PCDHAC2: variants seen among roughly 807,000 people sequenced by gnomAD.
PCDHAC2 encodes the protein protocadherin alpha-C2.
PCDHAC2 carries 24 observed loss-of-function variants against 63.3 expected under a neutral mutation model. The ratio of observed to expected loss-of-function variants is 0.38; its 90% confidence interval spans 0.27 to 0.53. The LOEUF (loss-of-function observed/expected upper bound fraction) is 0.53, where lower values mean the gene tolerates loss of function less well. Ranked by LOEUF, PCDHAC2 falls within the 20% of genes least tolerant of loss-of-function variation. The pLI is 0.81. For synonymous variants in PCDHAC2, 569 were observed against 529.4 expected, an observed-to-expected ratio of 1.07 and a Z score of -1.03; for missense variants, 1,181 against 1,275.2, an observed-to-expected ratio of 0.93 and a Z score of 1.12.
At chr5:141,005,687 G>A (rs1454342103) in intron 3 of PCDHAC2, among the ~76,000 whole-genome samples, 3 of 116,164 alleles carry the variant, frequency 2.6e-5, no homozygotes, top group African/African-American at 7.0e-5. Context: ...GGGCGACAGA[G>A]CGAAACTCCG....
At chr5:140,984,576 C>G (rs1309554018) in intron 3 of PCDHAC2, among the ~76,000 whole-genome samples, 1 of 152,104 alleles carries the variant, frequency 6.6e-6, no homozygotes, top group African/African-American at 2.4e-5. Context: ...CCATGGCAAC[C>G]TAATCATACT....
In PCDHAC2 at chr5:140,969,146, AAGGCCTGTCTGACAGC is replaced by A; in HGVS notation, c.2385_2400del (p.Cys796GlnfsTer26). 1 of 1,614,170 alleles carries A rather than the reference AAGGCCTGTCTGACAGC, an allele frequency of 6.2e-7. No homozygotes were observed. Among genetic ancestry groups the A allele is most frequent in the Non-Finnish European group, 8.5e-7 (1 of 1,180,020 alleles). ...CTCCCTCACCAAGACCTACTGCTACAAGGCCTGTCTGACAGCAGGCTCAGGGAGTGACACTTTCATG... is the reference window on the plus strand; with the variant it reads ...CTCCCTCACCAAGACCTACTGCTACAAGGCTCAGGGAGTGACACTTTCATG... On this transcript the variant is annotated frameshift_variant, in exon 1 of 4. Coordinates refer to ENST00000289269, the MANE Select transcript of PCDHAC2 (RefSeq NM_018899.6). LOFTEE classifies it high-confidence loss of function.
At chr5:140,995,390 C>A (rs1198231096) in intron 3 of PCDHAC2, among the ~76,000 whole-genome samples, 1 of 152,088 alleles carries the variant, frequency 6.6e-6, no homozygotes, top group Non-Finnish European at 1.5e-5. Flanking sequence ...CAGGATAAAG[C>A]GGGATGGCTC....
intron 3 of PCDHAC2, among the ~76,000 whole-genome samples, chr5:141,007,067 G>A (rs1352139121): frequency 1.3e-5 from 2 of 152,164 alleles, no homozygotes; most frequent in African/African-American, 4.8e-5. Flanking sequence ...AAAGGAGAGA[G>A]TGAAGAGAAA....
chr5:140,982,475 C>T lies in PCDHAC2; in HGVS notation c.2625C>T (p.Ser875=). The change falls in exon 3 of 4, where the codon AGC becomes AGT. Residue 875 remains serine, a splice_region_variant and synonymous_variant. Coordinates refer to ENST00000289269, the MANE Select transcript of PCDHAC2 (RefSeq NM_018899.6). ...TATCTGGGTCTGTGTGTTTATTCAG[C>T]TCTGTGCACCTAGAGGAGGCTGGCA... The part of the protein sequence containing the change: ...YSASLRAGMH[S]SVHLEEAGIL... 1 of 1,614,154 alleles carries T rather than the reference C, an allele frequency of 6.2e-7. No homozygotes were observed. Among genetic ancestry groups the T allele is most frequent in the African/African-American group, 1.3e-5 (1 of 75,040 alleles).
intron 1 of PCDHAC2, among the ~76,000 whole-genome samples, chr5:140,978,421 T>C (rs969808613): frequency 2.0e-5 from 3 of 152,236 alleles, no homozygotes; most frequent in Non-Finnish European, 4.4e-5. Flanking sequence ...AAAGAGACTG[T>C]TATCAGTTGC....
intron 3 of PCDHAC2, among the ~76,000 whole-genome samples, chr5:140,990,272 C>A (rs568200508): frequency 6.6e-6 from 1 of 152,196 alleles, no homozygotes; most frequent in African/African-American, 2.4e-5. Flanking sequence ...CAATGTACCC[C>A]GGGTCTTGAG....
chr5:141,009,880 C>T lies in PCDHAC2; in HGVS notation c.2967C>T (p.Asn989=). ...AAAAGAAGAAAAAGAAGAAGGGTAACAAGACCCAGGAGAAAAAAGAGAAAG... is the reference window on the plus strand; with the variant it reads ...AAAAGAAGAAAAAGAAGAAGGGTAATAAGACCCAGGAGAAAAAAGAGAAAG... The part of the protein sequence containing the change: ...TKKKKKKKKG[N]KTQEKKEKGN... Residue 989 remains asparagine, a synonymous_variant, in exon 4 of 4, where the codon AAC becomes AAT. Transcript: ENST00000289269. 1 of 1,613,788 alleles carries T rather than the reference C, an allele frequency of 6.2e-7. No individual in the cohort carries two copies. The highest frequency in any genetic ancestry group is 8.5e-7 in the Non-Finnish European group (1 of 1,179,974).
At chr5:140,985,062 T>C (rs2097134097) in intron 3 of PCDHAC2, among the ~76,000 whole-genome samples, 1 of 152,058 alleles carries the variant, frequency 6.6e-6, no homozygotes, top group African/African-American at 2.4e-5. Flanking sequence ...CTCAGCCTCC[T>C]GAGTAGCTGA....
In PCDHAC2 at chr5:140,968,640, C is replaced by T. The variant is rs2096260908; in HGVS notation, c.1874C>T (p.Ala625Val). The change falls in exon 1 of 4, where the codon GCC becomes GTC. Residue 625 changes from alanine to valine, a missense_variant. Physicochemically the swap from Ala to Val is moderately conservative, Grantham distance 64. This residue lies in a region of PCDHAC2 where 968 missense variants were observed against 1,073.5 expected (regional missense o/e 0.90). Transcript: ENST00000289269. ...AATGCTTGGCTTTTTTACCATCTAG[C>T]CCAGACTTCTGACCTGGACCTCTTT... ...GQNAWLFYHL[A>V]QTSDLDLFKV... 1 of 1,614,038 alleles carries T rather than the reference C, an allele frequency of 6.2e-7. No homozygotes were observed. The highest frequency in any genetic ancestry group is 1.7e-5 in the Admixed American group (1 of 59,994).
chr5:140,972,478 AC>A (rs2096537655), intron 1 of PCDHAC2, among the ~76,000 whole-genome samples: 2 of 151,866 alleles, frequency 1.3e-5, no homozygotes, highest in Admixed American at 1.3e-4. Flanking sequence ...TCAGCATTTA[AC>A]CCCAGACTCT....
Position 141,007,689 on chromosome 5 carries a change from A to G in PCDHAC2, c.2714-1938A>G, listed in dbSNP as rs545850175. Among the ~76,000 whole-genome samples the G allele has an allele frequency of 3.5e-4, 53 of 152,196 alleles. 1 individual carries two copies. Among genetic ancestry groups the G allele is most frequent in the African/African-American group, 1.3e-3 (52 of 41,536 alleles). On this transcript the variant is annotated intron_variant, in intron 3 of 3. Coordinates refer to ENST00000289269, the MANE Select transcript of PCDHAC2 (RefSeq NM_018899.6). ...CAAAGACAAAAGTTATCCTACTTCC[A>G]CCTCCCTCCTCTGCCTCCCACCACC...
chr5:141,004,163 G>A (rs374407159), intron 3 of PCDHAC2, among the ~76,000 whole-genome samples: 3 of 152,234 alleles, frequency 2.0e-5, no homozygotes, highest in African/African-American at 7.2e-5. Context: ...TATAGGCAAA[G>A]CCAGCCAAGT....
intron 3 of PCDHAC2, among the ~76,000 whole-genome samples, chr5:140,993,560 A>G (rs2097572904): frequency 6.6e-6 from 1 of 151,740 alleles, no homozygotes; most frequent in Non-Finnish European, 1.5e-5. Context: ...AGTATATAGT[A>G]TCCTTTCTAG....
At position 140,978,933 on chromosome 5, in the gene PCDHAC2, C is replaced by CT. The variant is rs1179085898; in HGVS notation, c.2566-13dup. The stretch of plus-strand genomic sequence containing the variant: ...TCTTGTCATTTTAACAGAAAACTCT[C>CT]TTTGTGATTTTGCAGCCACGACAGC... On this transcript the variant is annotated splice_polypyrimidine_tract_variant and intron_variant, in intron 1 of 3. Coordinates refer to ENST00000289269, the MANE Select transcript of PCDHAC2 (RefSeq NM_018899.6). 8 of 1,613,976 alleles carry CT rather than the reference C, an allele frequency of 5.0e-6. No homozygotes were observed. The highest frequency in any genetic ancestry group is 1.7e-5 in the Admixed American group (1 of 59,984).
At position 140,968,918 on chromosome 5, in the gene PCDHAC2, A is replaced by G; in HGVS notation, c.2152A>G (p.Ile718Val). ...AATAGCATTAAGCACAGTGTCTTTT[A>G]TATTTCTTTTGACAATCATCATTTT... ...LIIALSTVSF[I>V]FLLTIIILSI... The change falls in exon 1 of 4, where the codon ATA (isoleucine) becomes GTA (valine). Residue 718 changes from isoleucine to valine, a missense_variant. Coordinates refer to ENST00000289269, the MANE Select transcript of PCDHAC2 (RefSeq NM_018899.6). 1 of 1,614,164 alleles carries G rather than the reference A, an allele frequency of 6.2e-7. No homozygotes were observed. Among genetic ancestry groups the G allele is most frequent in the Non-Finnish European group, 8.5e-7 (1 of 1,180,024 alleles).
intron 3 of PCDHAC2, among the ~76,000 whole-genome samples, chr5:140,991,449 A>G (rs1405447405): frequency 6.6e-6 from 1 of 152,206 alleles, no homozygotes; most frequent in East Asian, 1.9e-4. Flanking sequence ...GCTTAAAACA[A>G]CACAATGTAT....
intron 3 of PCDHAC2, among the ~76,000 whole-genome samples, chr5:141,003,903 G>A (rs150270772): frequency 6.6e-6 from 1 of 152,076 alleles, no homozygotes; most frequent in Non-Finnish European, 1.5e-5. Flanking sequence ...CCATTCATTT[G>A]GGTCTTGACT....
At chr5:140,993,434 AT>A (rs1243337816) in intron 3 of PCDHAC2, among the ~76,000 whole-genome samples, 2 of 150,146 alleles carry the variant, frequency 1.3e-5, no homozygotes, top group Non-Finnish European at 3.0e-5. Flanking sequence ...TAAAATCCTT[AT>A]TCATTCCTGT....
Sources: allele counts gnomAD v4.1 joint callset (sites outside exome capture counted in the v4.1 genomes callset), GRCh38; gene constraint gnomAD v4.1.1; regional missense constraint gnomAD v4.1.1; transcripts MANE v1.5; gene names NCBI Gene and HGNC (gene_info 2026-07-23, HGNC 2026-07-21).